Variants in CSMD1 observed in about 807,000 individuals in gnomAD.
CSMD1 encodes the protein CUB and Sushi multiple domains 1, also known as CUB and sushi domain-containing protein 1.
In CSMD1, 213 loss-of-function variants were observed where a neutral mutation model predicts 417.5. That is an observed-to-expected ratio of 0.51 (90% CI 0.46 to 0.57). The LOEUF (loss-of-function observed/expected upper bound fraction) is 0.57, where lower values mean the gene tolerates loss of function less well. Among genes scored for constraint, CSMD1 ranks in the 20% least tolerant of loss-of-function variants. The pLI, the probability that CSMD1 is intolerant of heterozygous loss-of-function variation, is 0.00. For missense variants in CSMD1, 6,923 were observed against 4,529.7 expected (o/e 1.53, Z -15.17); for synonymous variants, 2,862 against 1,736.8 (o/e 1.65, Z -16.11).
chr8:4,659,582 G>T (rs913730311), intron 1 of CSMD1, among the ~76,000 whole-genome samples: 5 of 152,056 alleles, frequency 3.3e-5, no homozygotes, highest in African/African-American at 1.2e-4. Context: ...ATACCCAGAA[G>T]AGTTATATCC....
chr8:4,212,206 C>G lies in CSMD1; in HGVS notation c.416-180107G>C, dbSNP rs1478393386. Among the ~76,000 whole-genome samples the G allele has an allele frequency of 1.3e-5, 2 of 149,248 alleles. 1 individual carries two copies. Among genetic ancestry groups the G allele is most frequent in the Non-Finnish European group, 3.0e-5 (2 of 67,644 alleles). Reference sequence around the variant, plus strand: ...TATATATATATATATTATTTTCTCTCCATGTTGTTTTAACTTATTATACCT... The same window carrying G: ...TATATATATATATATTATTTTCTCTGCATGTTGTTTTAACTTATTATACCT... On this transcript the variant is annotated intron_variant, in intron 3 of 69. Transcript: ENST00000635120.
intron 10 of CSMD1, among the ~76,000 whole-genome samples, chr8:3,500,659 G>A (rs559373501): frequency 1.3e-5 from 2 of 152,318 alleles, no homozygotes; most frequent in Non-Finnish European, 2.9e-5. Flanking sequence ...ATCTTAAGGA[G>A]GAGGGAGTGA....
chr8:3,125,342 C>T (rs539431954), intron 41 of CSMD1, among the ~76,000 whole-genome samples: 1 of 152,294 alleles, frequency 6.6e-6, no homozygotes, highest in East Asian at 1.9e-4. Flanking sequence ...GCGAAGGAGG[C>T]GTCAATCTGC....
chr8:4,704,735 A>C (rs928948372), intron 1 of CSMD1, among the ~76,000 whole-genome samples: 1 of 152,148 alleles, frequency 6.6e-6, no homozygotes, highest in Non-Finnish European at 1.5e-5. Flanking sequence ...CTGTCCTTTC[A>C]AATGTTCTGG....
intron 2 of CSMD1, among the ~76,000 whole-genome samples, chr8:4,610,037 A>C (rs1801081245): frequency 6.6e-6 from 1 of 152,076 alleles, no homozygotes; most frequent in African/African-American, 2.4e-5. Context: ...GGAAAAAAAA[A>C]AAACAATTAG....
At chr8:4,423,947 T>C (rs1459683767) in intron 2 of CSMD1, among the ~76,000 whole-genome samples, 1 of 152,022 alleles carries the variant, frequency 6.6e-6, no homozygotes, top group Non-Finnish European at 1.5e-5. Flanking sequence ...TTTCAACAGA[T>C]TCAAAAGAAA....
chr8:4,068,103 G>C (rs1373755615), intron 3 of CSMD1, among the ~76,000 whole-genome samples: 3 of 152,026 alleles, frequency 2.0e-5, no homozygotes, highest in African/African-American at 4.8e-5. Flanking sequence ...AGAAAAAAAG[G>C]GACACAACAG....
chr8:4,306,762 G>C (rs778235572), intron 3 of CSMD1, among the ~76,000 whole-genome samples: 18 of 151,970 alleles, frequency 1.2e-4, no homozygotes, highest in African/African-American at 4.1e-4. Flanking sequence ...TAGTGTTCTG[G>C]TGCGAGTCCA....
intron 2 of CSMD1, among the ~76,000 whole-genome samples, chr8:4,428,356 T>G (rs900131528): frequency 6.6e-6 from 1 of 152,196 alleles, no homozygotes; most frequent in Non-Finnish European, 1.5e-5. Context: ...TACTAGGGAT[T>G]AAAAGTAATT....
chr8:4,403,898 C>T (rs1804829317), intron 3 of CSMD1, among the ~76,000 whole-genome samples: 1 of 152,154 alleles, frequency 6.6e-6, no homozygotes, highest in African/African-American at 2.4e-5. Flanking sequence ...CTCACATCCC[C>T]TACCCACACC....
intron 1 of CSMD1, among the ~76,000 whole-genome samples, chr8:4,700,515 A>C (rs1807456374): frequency 6.6e-6 from 1 of 152,186 alleles, no homozygotes; most frequent in Non-Finnish European, 1.5e-5. Flanking sequence ...TTACAATGAA[A>C]AGGTGTCTAA....
At chr8:3,711,340 G>A (rs899610201) in intron 6 of CSMD1, among the ~76,000 whole-genome samples, 1 of 152,180 alleles carries the variant, frequency 6.6e-6, no homozygotes, top group Non-Finnish European at 1.5e-5. Flanking sequence ...GGGCCACCCA[G>A]ATCCCCCTCC....
chr8:3,419,984 C>G (rs1487672485), intron 12 of CSMD1, among the ~76,000 whole-genome samples: 1 of 152,092 alleles, frequency 6.6e-6, no homozygotes, highest in Non-Finnish European at 1.5e-5. Context: ...GGATAATAAT[C>G]GTTCGCATCT....
chr8:3,939,041 T>C (rs1044216712), intron 5 of CSMD1, among the ~76,000 whole-genome samples: 1 of 152,116 alleles, frequency 6.6e-6, no homozygotes, highest in Non-Finnish European at 1.5e-5. Context: ...TATTCCATCA[T>C]AGTAATTATT....
At chr8:3,423,259 T>C (rs1216622909) in intron 12 of CSMD1, among the ~76,000 whole-genome samples, 3 of 152,194 alleles carry the variant, frequency 2.0e-5, no homozygotes, top group Non-Finnish European at 4.4e-5. Context: ...TAGTCATGTA[T>C]CCAACACCAA....
chr8:3,784,501 G>A (rs1437290066), intron 5 of CSMD1, among the ~76,000 whole-genome samples: 1 of 152,038 alleles, frequency 6.6e-6, no homozygotes, highest in South Asian at 2.1e-4. Flanking sequence ...ACTTATTTTT[G>A]GACTTGCTAG....
At chr8:4,256,990 T>C (rs1048479781) in intron 3 of CSMD1, among the ~76,000 whole-genome samples, 2 of 152,176 alleles carry the variant, frequency 1.3e-5, no homozygotes, top group Middle Eastern at 3.2e-3. Flanking sequence ...CTGGAAGAAG[T>C]ATGTAACTTC....
intron 5 of CSMD1, among the ~76,000 whole-genome samples, chr8:3,869,643 A>G (rs1805343165): frequency 1.3e-5 from 2 of 152,160 alleles, no homozygotes; most frequent in Admixed American, 1.3e-4. Flanking sequence ...ACCTGGGGAA[A>G]GTTCTGCCTT....
At chr8:3,750,648 C>T (rs576964872) in intron 6 of CSMD1, among the ~76,000 whole-genome samples, 2 of 152,080 alleles carry the variant, frequency 1.3e-5, no homozygotes, top group Non-Finnish European at 2.9e-5. Context: ...TTCAGCTGAA[C>T]AAATGTTTTC....
Sources: allele counts gnomAD v4.1 joint callset (sites outside exome capture counted in the v4.1 genomes callset), GRCh38; gene constraint gnomAD v4.1.1; transcripts MANE v1.5; gene names NCBI Gene and HGNC (gene_info 2026-07-23, HGNC 2026-07-21).